Variants in LRP1B observed in about 807,000 individuals in gnomAD.
The protein encoded by LRP1B is LDL receptor related protein 1B, also known as low-density lipoprotein receptor-related protein 1B.
In LRP1B, 217 loss-of-function variants were observed where a neutral mutation model predicts 556.6. The ratio of observed to expected loss-of-function variants is 0.39; its 90% CI spans 0.35 to 0.44. The LOEUF (loss-of-function observed/expected upper bound fraction) is 0.44. Ranked by LOEUF, LRP1B falls within the 20% of genes least tolerant of loss-of-function variation. The pLI is 1.00. For synonymous variants in LRP1B, 2,047 were observed against 1,865.8 expected (o/e 1.10, Z -2.50); for missense variants, 5,053 against 5,620.8 (o/e 0.90, Z 3.23).
intron 21 of LRP1B, among the ~76,000 whole-genome samples, chr2:140,919,925 T>C (rs1559194714): frequency 1.3e-5 from 2 of 152,084 alleles, no homozygotes; most frequent in Admixed American, 6.6e-5. Flanking sequence ...AAGCAATATA[T>C]TGTTTCTAAT....
intron 1 of LRP1B, among the ~76,000 whole-genome samples, chr2:142,098,457 CT>C (rs1483468439): frequency 2.0e-5 from 3 of 151,684 alleles, no homozygotes; most frequent in African/African-American, 7.3e-5. Flanking sequence ...TGGAAACTGT[CT>C]GCTTTGGAGA....
intron 1 of LRP1B, among the ~76,000 whole-genome samples, chr2:142,090,330 T>TA (rs1392673958): frequency 2.0e-5 from 3 of 152,134 alleles, no homozygotes; most frequent in Non-Finnish European, 2.9e-5. Context: ...ACCTATGTTA[T>TA]ATCTCTCATA....
chr2:140,322,391 C>T (rs114963804), intron 81 of LRP1B, among the ~76,000 whole-genome samples: 3,081 of 151,992 alleles, frequency 0.02, 36 homozygotes, highest in African/African-American at 0.028. Flanking sequence ...AAGAGTTGGT[C>T]CTAGAACCTG....
intron 43 of LRP1B, among the ~76,000 whole-genome samples, chr2:140,594,094 C>CA (rs1380179752): frequency 6.6e-6 from 1 of 152,010 alleles, no homozygotes; most frequent in Non-Finnish European, 1.5e-5. Flanking sequence ...TCTCCTGCCT[C>CA]AGCCTCCCGA....
In LRP1B at chr2:141,188,597, A is replaced by G. The variant is rs760056896; in HGVS notation, c.851-14T>C. 4.3e-6 allele frequency: 7 copies of G among 1,609,316 alleles called. No individual in the cohort carries two copies. The East Asian group carries it at 1.3e-4, about 31-fold the overall frequency. ...TTTGTTGCACATCTGAAAAACACAT[A>G]CACAAAATCATTGAATCACAGGTGC... is the stretch of plus-strand genomic sequence containing the variant. On this transcript the variant is annotated splice_polypyrimidine_tract_variant and intron_variant, in intron 6 of 90. Transcript: ENST00000389484.
intron 56 of LRP1B, among the ~76,000 whole-genome samples, chr2:140,495,283 A>T (rs1337456780): frequency 6.6e-6 from 1 of 150,736 alleles, no homozygotes; most frequent in Admixed American, 6.6e-5. Flanking sequence ...AGAACATGTG[A>T]TTCAGCAGGA....
intron 63 of LRP1B, among the ~76,000 whole-genome samples, chr2:140,449,422 G>T (rs1349097409): frequency 1.3e-5 from 2 of 151,916 alleles, no homozygotes; most frequent in South Asian, 2.1e-4. Context: ...AGGAATAATA[G>T]TGTACTTATC....
intron 1 of LRP1B, among the ~76,000 whole-genome samples, chr2:141,898,939 G>A (rs935367529): frequency 6.6e-6 from 1 of 152,098 alleles, no homozygotes; most frequent in Non-Finnish European, 1.5e-5. Context: ...TTCAAATAAT[G>A]GTTGAAACCC....
intron 31 of LRP1B, among the ~76,000 whole-genome samples, chr2:140,827,547 C>T (rs1036189806): frequency 4.0e-5 from 6 of 151,352 alleles, no homozygotes; most frequent in Non-Finnish European, 5.9e-5. Context: ...TAAAGAGAGG[C>T]TATCAGAAAA....
intron 2 of LRP1B, among the ~76,000 whole-genome samples, chr2:141,644,007 A>AGTGTGTGTGT (rs35844486): frequency 4.2e-5 from 6 of 142,220 alleles, no homozygotes; most frequent in African/African-American, 1.3e-4. Context: ...GAGAATGTGG[A>AGTGTGTGTGT]GAGTGTGTGT....
chr2:141,300,157 G>A (rs1486591000), intron 3 of LRP1B, among the ~76,000 whole-genome samples: 1 of 152,122 alleles, frequency 6.6e-6, no homozygotes, highest in South Asian at 2.1e-4. Context: ...TCTGATCTTC[G>A]ACTTCCAGGC....
intron 7 of LRP1B, among the ~76,000 whole-genome samples, chr2:141,113,869 T>C (rs1014423458): frequency 9.2e-5 from 14 of 152,186 alleles, no homozygotes; most frequent in African/African-American, 3.4e-4. Context: ...GACACTCAGA[T>C]ACAAAGATAC....
intron 58 of LRP1B, among the ~76,000 whole-genome samples, chr2:140,487,277 A>G (rs1482216149): frequency 2.6e-5 from 4 of 152,042 alleles, no homozygotes; most frequent in Non-Finnish European, 5.9e-5. Flanking sequence ...TTTTAGACTC[A>G]ACTTTCTCTT....
At position 141,378,017 on chromosome 2, in the gene LRP1B, A is replaced by G. The variant is rs934981023; in HGVS notation, c.343+102379T>C. Among the ~76,000 whole-genome samples the G allele has an allele frequency of 9.8e-5, 15 of 152,330 alleles. No homozygotes were observed. In the South Asian group the frequency reaches 3.1e-3, roughly 32 times the overall value. On this transcript the variant is annotated intron_variant, in intron 3 of 90. Coordinates refer to ENST00000389484, the MANE Select transcript of LRP1B (RefSeq NM_018557.3). The stretch of plus-strand genomic sequence containing the variant: ...TCCTCCTTTGTTTAGCTAATAATGA[A>G]CAACATGTGACTGATCATTCCTGCT...
At chr2:141,087,664 A>G (rs2104901369) in intron 7 of LRP1B, among the ~76,000 whole-genome samples, 1 of 152,328 alleles carries the variant, frequency 6.6e-6, no homozygotes, top group Non-Finnish European at 1.5e-5. Context: ...ATGGCTCTAA[A>G]CGGGAGATTC....
intron 83 of LRP1B, among the ~76,000 whole-genome samples, chr2:140,310,990 A>G (rs970526374): frequency 1.3e-5 from 2 of 151,914 alleles, no homozygotes; most frequent in Admixed American, 6.6e-5. Context: ...GCCATCTTAC[A>G]TCAGTTAGAA....
chr2:140,845,519 C>A (rs1223946523), intron 29 of LRP1B, among the ~76,000 whole-genome samples: 1 of 151,078 alleles, frequency 6.6e-6, no homozygotes, highest in African/African-American at 2.4e-5. Context: ...AAAACACACA[C>A]AAAGAAATGA....
chr2:141,393,932 T>C (rs538238508), intron 3 of LRP1B, among the ~76,000 whole-genome samples: 4 of 152,282 alleles, frequency 2.6e-5, no homozygotes, highest in African/African-American at 7.2e-5. Flanking sequence ...TTTAGAGATA[T>C]GGACTAGTAA....
rs11678498 is a variant in LRP1B at position 140,846,249 on chromosome 2, A to C, written c.4939+3853T>G. Among the ~76,000 whole-genome samples, 1,307 of 152,292 alleles carry C rather than the reference A, an allele frequency of 8.6e-3. 7 individuals are homozygous for C. Among genetic ancestry groups the C allele is most frequent in the Non-Finnish European group, 0.013 (912 of 68,024 alleles). On this transcript the variant is annotated intron_variant, in intron 29 of 90. Coordinates refer to ENST00000389484, the MANE Select transcript of LRP1B (RefSeq NM_018557.3). ...TACTGAAGAAAATTATTTTGAAACT[A>C]TTTGCTCCAAGCTACTTACAGCAAA...
Sources: gnomAD v4.1 joint callset for allele counts (sites outside exome capture counted in the v4.1 genomes callset) on GRCh38, gnomAD v4.1.1 for gene constraint, MANE v1.5 for transcripts, NCBI Gene and HGNC (gene_info 2026-07-23, HGNC 2026-07-21) for gene names.